Variants in ZNF571 observed in about 807,000 individuals in gnomAD.
ZNF571 encodes zinc finger protein 571.
A neutral mutation model predicts 7.7 loss-of-function variants in ZNF571; 4 were observed. That is an observed-to-expected ratio of 0.52 (90% CI 0.25 to 1.18). The LOEUF is 1.18. Ranked by LOEUF, ZNF571 falls within the 50% of genes most tolerant of loss-of-function variation. ZNF571 has a pLI of 0.14. For missense variants in ZNF571, 704 were observed against 726.9 expected (o/e 0.97, Z 0.36); for synonymous variants, 251 against 232.4 (o/e 1.08, Z -0.73).
At chr19:37,588,953 A>C (rs1188091522) in intron 1 of ZNF571, among the ~76,000 whole-genome samples, 1 of 152,170 alleles carries the variant, frequency 6.6e-6, no homozygotes, top group East Asian at 1.9e-4. Flanking sequence ...TAATCCCAGC[A>C]CTTTGGGAGG....
At chr19:37,570,545 G>C (rs1447168244) in intron 3 of ZNF571, among the ~76,000 whole-genome samples, 2 of 152,090 alleles carry the variant, frequency 1.3e-5, no homozygotes, top group East Asian at 3.9e-4. Context: ...TACCATCATA[G>C]AACTAATTGT....
Position 37,565,812 on chromosome 19 carries a change from G to A in ZNF571, c.616C>T (p.Arg206Cys), listed in dbSNP as rs779082407. ...ECMECGKAFG[R>C]TSDLIQHQKI... ...TGATGTTGAATGAGATCAGAAGTAC[G>A]ACCAAAGGCCTTTCCACATTCCATA... The change falls in exon 4 of 4, where the codon CGT (arginine) becomes TGT (cysteine). Residue 206 changes from arginine (R) to cysteine (C), a missense_variant. Transcript: ENST00000451802. The A allele has an allele frequency of 1.7e-5, 27 of 1,613,376 alleles. No individual in the cohort carries two copies. The highest frequency in any genetic ancestry group is 4.5e-5 in the East Asian group (2 of 44,860).
intron 1 of ZNF571, chr19:37,594,213 C>T (rs2043949332): frequency 6.6e-6 from 1 of 152,274 alleles, no homozygotes; most frequent in Non-Finnish European, 1.5e-5. Flanking sequence ...CAAAAAGAGC[C>T]TCTTACTCTG....
At chr19:37,582,006 T>C (rs749946686) in intron 3 of ZNF571, among the ~76,000 whole-genome samples, 1 of 152,194 alleles carries the variant, frequency 6.6e-6, no homozygotes. Context: ...GTAGTTGAAA[T>C]AATACTGCAT....
chr19:37,576,918 T>C (rs865865645), intron 3 of ZNF571, among the ~76,000 whole-genome samples: 6 of 152,178 alleles, frequency 3.9e-5, no homozygotes, highest in Non-Finnish European at 7.4e-5. Context: ...CCCTTTTTTT[T>C]TGTAATCAAT....
chr19:37,588,199 G>A (rs917262054), intron 1 of ZNF571, among the ~76,000 whole-genome samples: 3 of 146,494 alleles, frequency 2.0e-5, no homozygotes, highest in African/African-American at 7.5e-5. Context: ...TAGGATATTT[G>A]ACATATGATA....
At chr19:37,568,065 G>A (rs761494918) in intron 3 of ZNF571, among the ~76,000 whole-genome samples, 8 of 152,024 alleles carry the variant, frequency 5.3e-5, no homozygotes, top group Non-Finnish European at 1.0e-4. Flanking sequence ...ATATTATTCC[G>A]AAGAAAGAAG....
chr19:37,584,215 TG>T, intron 2 of ZNF571, 118 bp from the exon 3 acceptor site: 1 of 1,467,162 alleles, frequency 6.8e-7, no homozygotes, highest in East Asian at 2.3e-5. Flanking sequence ...GGAAATTGGT[TG>T]CCTAAACAGT....
chr19:37,565,503 AC>A lies in ZNF571; in HGVS notation c.924del (p.Glu308AspfsTer43), dbSNP rs763240979. On this transcript the variant is annotated frameshift_variant, in exon 4 of 4. Transcript: ENST00000451802. LOFTEE classifies it low-confidence loss of function (END_TRUNC). The stretch of plus-strand genomic sequence containing the variant: ...ATAAAGGCCTTTCCACATTCCTTAC[AC>A]TCATAAGGTTTCTCACCACTATGAA... ...QRIHSGEKPY[E>X]CKECGKAFIL... is the part of the protein sequence containing the mutation. 12 of 1,613,742 alleles carry A rather than the reference AC, an allele frequency of 7.4e-6. No individual in the cohort carries two copies. In the Admixed American group the frequency reaches 2.0e-4, roughly 27 times the overall value.
Position 37,594,742 on chromosome 19 carries a change from T to A in ZNF571, c.-71A>T, listed in dbSNP as rs1401316495. Reference sequence around the variant, plus strand: ...TTCCCGGTGAGGCCGCCCACTCACCTGGCCGGCGCAGACAAGCTCCGTGCG... The same window carrying A: ...TTCCCGGTGAGGCCGCCCACTCACCAGGCCGGCGCAGACAAGCTCCGTGCG... On this transcript the variant is annotated splice_region_variant and 5_prime_UTR_variant, in exon 1 of 4. Coordinates refer to ENST00000451802, the MANE Select transcript of ZNF571 (RefSeq NM_016536.5). 1 of 152,240 alleles carries A rather than the reference T, an allele frequency of 6.6e-6. No homozygotes were observed. The highest frequency in any genetic ancestry group is 2.4e-5 in the African/African-American group (1 of 41,436). 9.4% of individuals were successfully genotyped at this position (152,240 alleles called of 1,614,324 possible). A position where few individuals can be genotyped will look rare whatever the true frequency, so the allele number is the denominator to read the frequency against.
Position 37,570,311 on chromosome 19 carries a change from C to T in ZNF571, c.137-4020G>A, listed in dbSNP as rs535881280. On this transcript the variant is annotated intron_variant, in intron 3 of 3. Transcript: ENST00000451802. ...TACAAATCGTCTACAACCTCTGCCC[C>T]GCCTGTGATTATTTTCTTCACCTTC... Among the ~76,000 whole-genome samples the T allele has an allele frequency of 1.1e-4, 16 of 152,230 alleles. No homozygotes were observed. In the East Asian group the frequency reaches 2.3e-3, roughly 22 times the overall value.
At chr19:37,594,694 A>G (rs2291000) in intron 1 of ZNF571, 47 bp downstream of exon 1, 129,155 of 152,234 alleles carry the variant, frequency 0.85, 55,155 homozygotes, top group African/African-American at 0.94. Flanking sequence ...TTTTCGATGA[A>G]GCAACCCAAA....
intron 1 of ZNF571, 24 bp downstream of exon 1, chr19:37,594,717 T>A (rs1444335399): frequency 6.6e-6 from 1 of 152,168 alleles, no homozygotes; most frequent in Non-Finnish European, 1.5e-5. Context: ...CTGCGAGCGG[T>A]TCCCGGTGAG....
chr19:37,578,335 G>T (rs927759772), intron 3 of ZNF571, among the ~76,000 whole-genome samples: 1 of 152,138 alleles, frequency 6.6e-6, no homozygotes, highest in Non-Finnish European at 1.5e-5. Flanking sequence ...AGTGGGAGAA[G>T]CTCCCTAACA....
intron 3 of ZNF571, among the ~76,000 whole-genome samples, chr19:37,582,051 A>G (rs529125260): frequency 6.6e-6 from 1 of 152,256 alleles, no homozygotes; most frequent in South Asian, 2.1e-4. Flanking sequence ...TCCCCTAATT[A>G]TTACAGTGTT....
chr19:37,564,386 T>C lies in ZNF571; in HGVS notation c.*212A>G, dbSNP rs1174610928. ...TTAGGATATGGTGAAATGGAGATGA[T>C]GCTTAATAAAGGATATAATTCAGCA... On this transcript the variant is annotated 3_prime_UTR_variant, in exon 4 of 4. Coordinates refer to ENST00000451802, the MANE Select transcript of ZNF571 (RefSeq NM_016536.5). The C allele has an allele frequency of 1.0e-5, 4 of 393,160 alleles. No individual in the cohort carries two copies. Among genetic ancestry groups the C allele is most frequent in the Non-Finnish European group, 1.8e-5 (4 of 224,064 alleles). 24.4% of individuals were successfully genotyped at this position (393,160 alleles called of 1,614,324 possible). A position where few individuals can be genotyped will look rare whatever the true frequency, so the allele number is the denominator to read the frequency against.
At chr19:37,590,671 A>C (rs1388106084) in intron 1 of ZNF571, among the ~76,000 whole-genome samples, 2 of 152,178 alleles carry the variant, frequency 1.3e-5, no homozygotes, top group Non-Finnish European at 2.9e-5. Context: ...AAAAAGCAAA[A>C]TGTTAAAAAC....
rs75160150 is a variant in ZNF571 at position 37,590,588 on chromosome 19, A to G, written c.-69-3843T>C. On this transcript the variant is annotated intron_variant, in intron 1 of 3. Transcript: ENST00000451802. ...AGAAAATACACTAATATAATTATAG[A>G]TAAAGGAAAATGATGTCTGAAAATT... Among the ~76,000 whole-genome samples, 1,430 of 152,296 alleles carry G rather than the reference A, an allele frequency of 9.4e-3. 13 individuals are homozygous for G. The highest frequency in any genetic ancestry group is 0.015 in the Non-Finnish European group (1,021 of 68,014).
In ZNF571 at chr19:37,588,099, CAAAAAAAAAAA is replaced by C. The variant is rs58516591; in HGVS notation, c.-69-1365_-69-1355del. ...TGGGTGACAGAGCGAGACTCCATCTCAAAAAAAAAAAAAAAAAAAAAAAAAAAAATCCCATG... is the reference window on the plus strand; with the variant it reads ...TGGGTGACAGAGCGAGACTCCATCTCAAAAAAAAAAAAAAAAAATCCCATG... On this transcript the variant is annotated intron_variant, in intron 1 of 3. Transcript: ENST00000451802. 6.1e-3 allele frequency among the ~76,000 whole-genome samples: 279 copies of C among 45,756 alleles called. 1 individual carries two copies. Among genetic ancestry groups the C allele is most frequent in the Non-Finnish European group, 8.5e-3 (223 of 26,244 alleles). The allele number at this position is 45,756 out of a possible 152,430, so 30.0% of individuals were successfully genotyped here.
Sources: gnomAD v4.1 joint callset for allele counts (sites outside exome capture counted in the v4.1 genomes callset) on GRCh38, gnomAD v4.1.1 for gene constraint, MANE v1.5 for transcripts, NCBI Gene and HGNC (gene_info 2026-07-23, HGNC 2026-07-21) for gene names.